UBTD2: variants seen among roughly 807,000 people sequenced by gnomAD.
UBTD2 encodes the protein ubiquitin domain containing 2.
In UBTD2, 9 loss-of-function variants were observed where a neutral mutation model predicts 19.8. That is an observed-to-expected ratio of 0.46 (90% CI 0.27 to 0.79). The LOEUF is 0.79. Ranked by LOEUF, UBTD2 falls within the 30% of genes least tolerant of loss-of-function variation. The pLI is 0.14. For missense variants in UBTD2, 250 were observed against 300.4 expected (o/e 0.83, Z 1.24); for synonymous variants, 98 against 103.9 (o/e 0.94, Z 0.35).
chr5:172,283,836 T>G, upstream of UBTD2: 1 of 249,180 alleles, frequency 4.0e-6, no homozygotes, highest in Non-Finnish European at 6.5e-6. This position sits in a 1 kb window ranked among gnomAD's most constrained non-coding sequence, Gnocchi z 4.3. Context: ...CCGCCTTGGC[T>G]CGGCCCCTTC....
chr5:172,230,793 T>A (rs1771878855), intron 2 of UBTD2, among the ~76,000 whole-genome samples: 1 of 151,908 alleles, frequency 6.6e-6, no homozygotes, highest in South Asian at 2.1e-4. Flanking sequence ...TTATTTTTTT[T>A]TTTTTTTTGA....
chr5:172,216,065 G>T (rs1771536116), intron 2 of UBTD2, among the ~76,000 whole-genome samples: 1 of 152,104 alleles, frequency 6.6e-6, no homozygotes, highest in African/African-American at 2.4e-5. Context: ...TACTCAGGAG[G>T]CTGAGTCAGG....
intron 1 of UBTD2, among the ~76,000 whole-genome samples, chr5:172,251,465 CAAAAAA>C (rs59810255): frequency 0.088 from 8,132 of 91,930 alleles, 246 homozygotes; most frequent in Middle Eastern, 0.13. Context: ...TCAAACTGTC[CAAAAAA>C]AAAAAAAAAA....
chr5:172,244,776 T>G (rs1250234172), intron 1 of UBTD2, among the ~76,000 whole-genome samples: 1 of 152,120 alleles, frequency 6.6e-6, no homozygotes, highest in African/African-American at 2.4e-5. Context: ...TCCCTCAGGA[T>G]GGAGTGCAAT....
chr5:172,242,366 C>A (rs2113033579), intron 1 of UBTD2: 1 of 984,910 alleles, frequency 1.0e-6, no homozygotes, highest in African/African-American at 1.7e-5. Flanking sequence ...TTAGATTTAT[C>A]CAACTTTCCC....
intron 1 of UBTD2, among the ~76,000 whole-genome samples, chr5:172,266,454 T>C (rs946543706): frequency 2.4e-4 from 36 of 152,216 alleles, no homozygotes; most frequent in Admixed American, 6.6e-5. Context: ...CCATCTATTC[T>C]GGTTCCTACT....
At chr5:172,227,008 A>G (rs1305950401) in intron 2 of UBTD2, among the ~76,000 whole-genome samples, 2 of 152,204 alleles carry the variant, frequency 1.3e-5, no homozygotes, top group African/African-American at 4.8e-5. Context: ...GGGGACACTG[A>G]TCTTTAATTT....
At chr5:172,242,392 C>T (rs1772150432) in intron 1 of UBTD2, 1 of 985,324 alleles carries the variant, frequency 1.0e-6, no homozygotes, top group Non-Finnish European at 1.2e-6. Context: ...GTTTTTCATA[C>T]CAAGTTCCAA....
At chr5:172,282,931 G>T (rs6894499) in intron 1 of UBTD2, among the ~76,000 whole-genome samples, 110,711 of 152,034 alleles carry the variant, frequency 0.73, 41,698 homozygotes, top group African/African-American at 0.93. Context: ...AGATGGGAAT[G>T]TGATTAGCCC....
At chr5:172,250,429 T>C (rs1754978448) in intron 1 of UBTD2, among the ~76,000 whole-genome samples, 1 of 152,064 alleles carries the variant, frequency 6.6e-6, no homozygotes, top group African/African-American at 2.4e-5. Context: ...AGGACACAAT[T>C]TACTTCTGTA....
At chr5:172,237,783 A>G (rs769904206) in intron 1 of UBTD2, among the ~76,000 whole-genome samples, 6 of 152,262 alleles carry the variant, frequency 3.9e-5, no homozygotes, top group Non-Finnish European at 8.8e-5. Flanking sequence ...ATAATGCATG[A>G]TATACAATAA....
At chr5:172,249,405 A>G (rs1382241076) in intron 1 of UBTD2, among the ~76,000 whole-genome samples, 1 of 55,542 alleles carries the variant, frequency 1.8e-5, no homozygotes, top group Admixed American at 2.2e-4. Context: ...TCTCATGAAA[A>G]AAAAAAAAAA....
chr5:172,267,839 A>G (rs1412090525), intron 1 of UBTD2, among the ~76,000 whole-genome samples: 1 of 152,238 alleles, frequency 6.6e-6, no homozygotes, highest in African/African-American at 2.4e-5. Context: ...TTCATCTAAC[A>G]TACTTAAAAA....
At chr5:172,257,392 G>A (rs1233975735) in intron 1 of UBTD2, among the ~76,000 whole-genome samples, 1 of 152,186 alleles carries the variant, frequency 6.6e-6, no homozygotes, top group Non-Finnish European at 1.5e-5. Context: ...ACTGATGATG[G>A]ACATCTACGT....
rs569209897 is a variant in UBTD2, at chr5:172,271,437, A to G, written c.70+12159T>C. On this transcript the variant is annotated intron_variant, in intron 1 of 2. Transcript: ENST00000393792. ...GAGCTAGACTCCACCTCAAAAGAAA[A>G]AAAAAAAAAAAAGACCAACTTCTTG... Among the ~76,000 whole-genome samples the G allele has an allele frequency of 3.3e-3, 502 of 151,156 alleles. 3 individuals are homozygous for G. The highest frequency in any genetic ancestry group is 0.011 in the African/African-American group (466 of 41,180).
At position 172,234,320 on chromosome 5, in the gene UBTD2, G is replaced by C. The variant is rs752568790; in HGVS notation, c.109C>G (p.Pro37Ala). Residue 37 changes from proline to alanine, a missense_variant, in exon 2 of 3, where the codon CCA (proline) becomes GCA (alanine). Coordinates refer to ENST00000393792, the MANE Select transcript of UBTD2 (RefSeq NM_152277.3). ...GRNQPLKKEK[P>A]KWKSDYPMTD... ...ATAGGATAATCGCTTTTCCATTTTG[G>C]TTTCTCCTTTTTCAAAGGCTGGTTA... The C allele has an allele frequency of 1.2e-6, 2 of 1,614,072 alleles. No homozygotes were observed. Among genetic ancestry groups the C allele is most frequent in the East Asian group, 2.2e-5 (1 of 44,876 alleles).
intron 2 of UBTD2, among the ~76,000 whole-genome samples, chr5:172,233,858 A>G (rs1283151569): frequency 1.3e-5 from 2 of 152,078 alleles, no homozygotes; most frequent in Non-Finnish European, 2.9e-5. Context: ...ACTAGGTTAC[A>G]CGGAAACTTT....
At chr5:172,279,372 A>G (rs1294859992) in intron 1 of UBTD2, among the ~76,000 whole-genome samples, 1 of 152,252 alleles carries the variant, frequency 6.6e-6, no homozygotes, top group East Asian at 1.9e-4. Flanking sequence ...AATACTGGAT[A>G]AATGGTAGAT....
chr5:172,278,224 C>T (rs1755645232), intron 1 of UBTD2, among the ~76,000 whole-genome samples: 1 of 152,102 alleles, frequency 6.6e-6, no homozygotes, highest in African/African-American at 2.4e-5. Flanking sequence ...AAGTTCAGAG[C>T]TGCATCATTC....
Sources: gnomAD v4.1 joint callset for allele counts (sites outside exome capture counted in the v4.1 genomes callset) on GRCh38, gnomAD v4.1.1 for gene constraint, Gnocchi (gnomAD v3.1) non-coding constraint, MANE v1.5 for transcripts, NCBI Gene and HGNC (gene_info 2026-07-23, HGNC 2026-07-21) for gene names.